RGSL1: variants seen among roughly 807,000 people sequenced by gnomAD.
The protein encoded by RGSL1 is regulator of G protein signaling protein-like.
A neutral mutation model predicts 124.7 loss-of-function variants in RGSL1; 97 were observed. The observed-to-expected ratio is 0.78, with a 90% CI of 0.66 to 0.92. The LOEUF is 0.92. Among genes scored for constraint, RGSL1 ranks in the 40% least tolerant of loss-of-function variants. The probability of loss-of-function intolerance (pLI) is 0.00; values close to 1 mark genes in which losing one functional copy is unlikely to be tolerated. For missense variants in RGSL1, 1,233 were observed against 1,288.4 expected (o/e 0.96, Z 0.66); for synonymous variants, 424 against 438.1 (o/e 0.97, Z 0.40).
chr1:182,517,447 T>A (rs79667431), intron 9 of RGSL1, among the ~76,000 whole-genome samples: 4 of 3,310 alleles, frequency 1.2e-3, no homozygotes, highest in Non-Finnish European at 4.2e-3. Context: ...AATTATTATT[T>A]TTTTTTAAAT....
intron 14 of RGSL1, among the ~76,000 whole-genome samples, chr1:182,533,154 T>C (rs998707707): frequency 6.6e-6 from 1 of 152,240 alleles, no homozygotes. Context: ...TGCAGAAATA[T>C]ATAGTATAGA....
intron 15 of RGSL1, among the ~76,000 whole-genome samples, chr1:182,547,397 G>A (rs938222399): frequency 6.6e-6 from 1 of 152,114 alleles, no homozygotes; most frequent in Admixed American, 6.5e-5. Flanking sequence ...GGAGGTAATG[G>A]AGGAGCAGAG....
chr1:182,541,766 G>A (rs10797780), intron 15 of RGSL1, among the ~76,000 whole-genome samples: 1 of 151,840 alleles, frequency 6.6e-6, no homozygotes, highest in Non-Finnish European at 1.5e-5. Context: ...TGATAATAGC[G>A]ACTTTAACTA....
Position 182,473,516 on chromosome 1 carries a change from C to T in RGSL1, c.464-59C>T, listed in dbSNP as rs1476702537. ...AAAAAAATTAAAAACCTCTCCAACA[C>T]CATCATCACTGCCATCATCCCATCA... is the stretch of plus-strand genomic sequence containing the variant. On this transcript the variant is annotated intron_variant, in intron 5 of 21. Coordinates refer to ENST00000294854, the MANE Select transcript of RGSL1 (RefSeq NM_001137669.2). 8.2e-6 allele frequency: 12 copies of T among 1,460,480 alleles called. No homozygotes were observed. In the African/African-American group the frequency reaches 1.3e-4, roughly 16 times the overall value. 90.5% of individuals were successfully genotyped at this position (1,460,480 alleles called of 1,614,324 possible).
rs143912232 is a variant in RGSL1 at position 182,459,703 on chromosome 1, C to T, written c.172-301C>T. Among the ~76,000 whole-genome samples the T allele has an allele frequency of 1.6e-3, 246 of 152,216 alleles. 1 individual carries two copies. The highest frequency in any genetic ancestry group is 5.7e-3 in the African/African-American group (235 of 41,530). ...TCTTTTCTGCTTTTCTTCTGTCAAGCGAGACTTAGATTTTTTCTTTAACAA... is the reference window on the plus strand; with the variant it reads ...TCTTTTCTGCTTTTCTTCTGTCAAGTGAGACTTAGATTTTTTCTTTAACAA... On this transcript the variant is annotated intron_variant, in intron 3 of 21. Coordinates refer to ENST00000294854, the MANE Select transcript of RGSL1 (RefSeq NM_001137669.2).
At chr1:182,490,978 C>T (rs1655480692) in intron 8 of RGSL1, among the ~76,000 whole-genome samples, 3 of 143,370 alleles carry the variant, frequency 2.1e-5, no homozygotes, top group Non-Finnish European at 4.5e-5. Context: ...GCAGCCATGA[C>T]TTCCCAGACT....
At chr1:182,501,437 G>C (rs1171843320) in intron 9 of RGSL1, among the ~76,000 whole-genome samples, 1 of 141,214 alleles carries the variant, frequency 7.1e-6, no homozygotes, top group Non-Finnish European at 1.5e-5. Context: ...TCCTCCCTCA[G>C]CCTCCCGAAT....
intron 21 of RGSL1, among the ~76,000 whole-genome samples, chr1:182,558,679 C>T (rs1661002284): frequency 1.3e-5 from 2 of 152,200 alleles, no homozygotes. Context: ...CCTTCTTCCT[C>T]TGTCTTTAAA....
intron 16 of RGSL1, 113 bp downstream of exon 16, chr1:182,548,568 C>T: frequency 6.6e-7 from 1 of 1,506,962 alleles, no homozygotes; most frequent in Non-Finnish European, 8.9e-7. Flanking sequence ...ACTACATATC[C>T]TTTACCTAGC....
Position 182,489,014 on chromosome 1 carries a change from A to G in RGSL1, c.1529A>G (p.Lys510Arg). The change falls in exon 8 of 22, where the codon AAA becomes AGA. Residue 510 changes from lysine to arginine, a missense_variant. Coordinates refer to ENST00000294854, the MANE Select transcript of RGSL1 (RefSeq NM_001137669.2). ...AGGTTCATCAGCTCCAGACAGCATA[A>G]AAGAGAATTTATAGGCAAAGAAGAG... ...QNRFISSRQHKREFIGKEENI... is the reference protein window; with the variant it reads ...QNRFISSRQHRREFIGKEENI... The G allele has an allele frequency of 6.4e-7, 1 of 1,551,390 alleles. No homozygotes were observed. The highest frequency in any genetic ancestry group is 8.7e-7 in the Non-Finnish European group (1 of 1,146,988).
chr1:182,485,246 G>A (rs957394954), intron 6 of RGSL1, among the ~76,000 whole-genome samples: 6 of 152,128 alleles, frequency 3.9e-5, no homozygotes, highest in Non-Finnish European at 7.4e-5. Context: ...GGGTGGTGGA[G>A]GCCCAATGTT....
chr1:182,486,702 T>C (rs1655126229), intron 6 of RGSL1, among the ~76,000 whole-genome samples: 1 of 151,730 alleles, frequency 6.6e-6, no homozygotes. Context: ...TGAGACGGCG[T>C]TTCATTCTTG....
At position 182,551,151 on chromosome 1, in the gene RGSL1, G is replaced by A. The variant is rs1332841211; in HGVS notation, c.2985G>A (p.Lys995=). 6.4e-7 allele frequency: 1 copy of A among 1,551,734 alleles called. No homozygotes were observed. Among genetic ancestry groups the A allele is most frequent in the South Asian group, 1.2e-5 (1 of 84,062 alleles). The change falls in exon 18 of 22, where the codon AAG becomes AAA. Residue 995 remains lysine, a synonymous_variant. Transcript: ENST00000294854. ...CTTACTTACAGTATAGGGGGAAGAA[G>A]TTCAAGGACAGAAAAAGCCCTCCTA... The part of the protein sequence containing the change: ...TRSYLQYRGK[K]FKDRKSPPKS...
intron 4 of RGSL1, among the ~76,000 whole-genome samples, chr1:182,465,277 T>C (rs1255033837): frequency 1.6e-4 from 25 of 152,132 alleles, no homozygotes; most frequent in Admixed American, 1.6e-3. Context: ...TGGAATACTA[T>C]GCAGCCATAA....
At chr1:182,453,164 T>C (rs1196693731) in intron 1 of RGSL1, among the ~76,000 whole-genome samples, 3 of 152,194 alleles carry the variant, frequency 2.0e-5, no homozygotes. Flanking sequence ...TGATCACACC[T>C]GAGAGAAGTA....
At chr1:182,491,424 A>G (rs1460618095) in intron 8 of RGSL1, among the ~76,000 whole-genome samples, 2 of 152,072 alleles carry the variant, frequency 1.3e-5, no homozygotes, top group South Asian at 2.1e-4. Context: ...TATGTTGGCC[A>G]GGCTGGTCTC....
At chr1:182,476,077 A>G (rs1286660204) in intron 6 of RGSL1, among the ~76,000 whole-genome samples, 1 of 152,208 alleles carries the variant, frequency 6.6e-6, no homozygotes, top group East Asian at 1.9e-4. Context: ...TAAGTCTGGC[A>G]TGATTTCCAG....
intron 1 of RGSL1, among the ~76,000 whole-genome samples, chr1:182,450,784 C>T (rs1651748673): frequency 6.6e-6 from 1 of 152,264 alleles, no homozygotes; most frequent in Admixed American, 6.5e-5. Context: ...CAGATGGGCT[C>T]AGTAATATAC....
chr1:182,554,238 GT>G (rs1660730409), intron 19 of RGSL1, among the ~76,000 whole-genome samples: 2 of 152,178 alleles, frequency 1.3e-5, no homozygotes, highest in South Asian at 4.1e-4. Context: ...CTGCCCATTT[GT>G]ACGTGTTTCC....
Sources: allele counts gnomAD v4.1 joint callset (sites outside exome capture counted in the v4.1 genomes callset), GRCh38; gene constraint gnomAD v4.1.1; transcripts MANE v1.5; gene names NCBI Gene and HGNC (gene_info 2026-07-23, HGNC 2026-07-21).